Variants in THAP12 observed in about 807,000 individuals in gnomAD.
The protein encoded by THAP12 is THAP domain containing 12, also known as 52 kDa repressor of the inhibitor of the protein kinase.
Under a neutral mutation model 63.0 loss-of-function variants are expected in THAP12, and 20 were observed. That is an observed-to-expected ratio of 0.32 (90% CI 0.22 to 0.46). The LOEUF (loss-of-function observed/expected upper bound fraction) is 0.46, where lower values mean the gene tolerates loss of function less well. Ranked by LOEUF, THAP12 falls within the 20% of genes least tolerant of loss-of-function variation. The pLI is 1.00. For missense variants in THAP12, 568 were observed against 908.2 expected (o/e 0.63, Z 4.81); for synonymous variants, 264 against 328.4 (o/e 0.80, Z 2.12).
chr11:76,355,674 AAG>A lies in THAP12; in HGVS notation c.319-22_319-21del. On this transcript the variant is annotated intron_variant, in intron 3 of 4. Coordinates refer to ENST00000260045, the MANE Select transcript of THAP12 (RefSeq NM_004705.4). ...TTCACTCTAAATGTCAAGAAAAAAAAAGAAAAAAACAAATCATCTTTAAAAAA... is the reference window on the plus strand; with the variant it reads ...TTCACTCTAAATGTCAAGAAAAAAAAAAAAAAACAAATCATCTTTAAAAAA... 2 of 1,567,956 alleles carry A rather than the reference AAG, an allele frequency of 1.3e-6. No homozygotes were observed.
At chr11:76,365,416 ACT>A (rs1390425725) in intron 2 of THAP12, among the ~76,000 whole-genome samples, 3 of 151,772 alleles carry the variant, frequency 2.0e-5, no homozygotes, top group Admixed American at 1.3e-4. Context: ...ACAAGCGCTC[ACT>A]CTGTCGCCCA....
intron 1 of THAP12, among the ~76,000 whole-genome samples, chr11:76,372,419 AG>A (rs1345841655): frequency 1.1e-4 from 10 of 87,490 alleles, no homozygotes; most frequent in African/African-American, 3.9e-4. Flanking sequence ...AAAAAAAAAA[AG>A]AGAGAGAGAG....
chr11:76,354,693 T>G (rs1946548385), intron 4 of THAP12, among the ~76,000 whole-genome samples: 1 of 152,188 alleles, frequency 6.6e-6, no homozygotes. Context: ...AACAGAGTAC[T>G]CTATGTACCA....
At chr11:76,355,751 G>C (rs1325311449) in intron 3 of THAP12, 97 bp from the exon 4 acceptor site, 12 of 959,980 alleles carry the variant, frequency 1.3e-5, no homozygotes, top group Non-Finnish European at 1.6e-5. Flanking sequence ...TGCCTATTCT[G>C]AGTCAATTTA....
intron 2 of THAP12, among the ~76,000 whole-genome samples, chr11:76,364,152 C>T (rs942715359): frequency 2.6e-5 from 4 of 152,130 alleles, no homozygotes; most frequent in Non-Finnish European, 5.9e-5. Context: ...TGCAAAAATG[C>T]ATATGGCAAA....
intron 1 of THAP12, 52 bp downstream of exon 1, chr11:76,380,696 G>A (rs897514723): frequency 5.1e-5 from 66 of 1,287,624 alleles, no homozygotes; most frequent in Non-Finnish European, 6.4e-5. Flanking sequence ...GCGGCTGGCA[G>A]CGCTCACCGC....
At chr11:76,373,635 T>C (rs754040502) in intron 1 of THAP12, among the ~76,000 whole-genome samples, 22 of 151,858 alleles carry the variant, frequency 1.4e-4, no homozygotes, top group East Asian at 3.9e-4. Context: ...GGCTGGAAGA[T>C]TGCTTGAGCC....
At chr11:76,358,718 G>A (rs938672569) in intron 3 of THAP12, 12 of 152,260 alleles carry the variant, frequency 7.9e-5, no homozygotes, top group African/African-American at 2.9e-4. Flanking sequence ...TGAGGTAAGA[G>A]GATTGCTTCA....
chr11:76,364,445 T>C (rs1367954162), intron 2 of THAP12: 6 of 437,738 alleles, frequency 1.4e-5, no homozygotes, highest in African/African-American at 1.0e-4. Context: ...GAAAAAAATA[T>C]CAAAATAAAT....
intron 1 of THAP12, among the ~76,000 whole-genome samples, chr11:76,369,889 T>C (rs1178050275): frequency 6.6e-6 from 1 of 152,262 alleles, no homozygotes; most frequent in Non-Finnish European, 1.5e-5. Context: ...CCTGTCTTTT[T>C]CCCTCATGAT....
intron 3 of THAP12, 108 bp from the exon 4 acceptor site, chr11:76,355,762 A>G: frequency 1.1e-6 from 1 of 889,044 alleles, no homozygotes; most frequent in Non-Finnish European, 1.6e-6. Context: ...AGTCAATTTA[A>G]TTCTTTCAAG....
intron 1 of THAP12, among the ~76,000 whole-genome samples, chr11:76,378,190 G>A (rs1314997482): frequency 6.6e-6 from 1 of 152,252 alleles, no homozygotes; most frequent in Non-Finnish European, 1.5e-5. Flanking sequence ...AGGCCAAGGC[G>A]GGCAGATCAC....
intron 1 of THAP12, among the ~76,000 whole-genome samples, chr11:76,367,590 G>A (rs1042701666): frequency 1.3e-5 from 2 of 151,574 alleles, no homozygotes; most frequent in Non-Finnish European, 2.9e-5. Context: ...ACTCAGCTAA[G>A]TTTTGTATTT....
intron 2 of THAP12, 122 bp downstream of exon 2, chr11:76,365,730 C>T (rs1946626762): frequency 2.4e-6 from 3 of 1,264,402 alleles, no homozygotes; most frequent in Non-Finnish European, 3.2e-6. Flanking sequence ...CTGTCTTCAT[C>T]TTAAAGTGGC....
intron 1 of THAP12, among the ~76,000 whole-genome samples, chr11:76,369,107 G>A (rs1383022198): frequency 6.6e-6 from 1 of 151,886 alleles, no homozygotes; most frequent in Non-Finnish European, 1.5e-5. Flanking sequence ...ATAATAAAAA[G>A]GTTATAAAAA....
chr11:76,375,290 C>G (rs1208923212), intron 1 of THAP12, among the ~76,000 whole-genome samples: 2 of 152,106 alleles, frequency 1.3e-5, no homozygotes, highest in Non-Finnish European at 1.5e-5. Context: ...TTAGCTCTAC[C>G]TGTACCATCT....
At chr11:76,360,897 G>T in intron 3 of THAP12, 59 bp downstream of exon 3, 1 of 1,119,884 alleles carries the variant, frequency 8.9e-7, no homozygotes, top group Non-Finnish European at 1.3e-6. Context: ...AAATGCATCT[G>T]TATTTGATTT....
At chr11:76,365,280 C>A (rs1349174075) in intron 2 of THAP12, among the ~76,000 whole-genome samples, 1 of 137,012 alleles carries the variant, frequency 7.3e-6, no homozygotes, top group East Asian at 2.1e-4. Context: ...GGTGACAGAG[C>A]AAGACTGTCT....
At chr11:76,357,063 G>T (rs1289506719) in intron 3 of THAP12, 3 of 152,090 alleles carry the variant, frequency 2.0e-5, no homozygotes, top group Middle Eastern at 3.4e-3. Flanking sequence ...AAAAGAAAAG[G>T]ATGGTTGTGT....
Sources: allele counts gnomAD v4.1 joint callset (sites outside exome capture counted in the v4.1 genomes callset), GRCh38; gene constraint gnomAD v4.1.1; transcripts MANE v1.5; gene names NCBI Gene and HGNC (gene_info 2026-07-23, HGNC 2026-07-21).